MAP3K13: variants seen among roughly 807,000 people sequenced by gnomAD.
MAP3K13 encodes the protein mitogen-activated protein kinase kinase kinase 13.
Under a neutral mutation model 104.0 loss-of-function variants are expected in MAP3K13, and 52 were observed. The ratio of observed to expected loss-of-function variants is 0.50; its 90% CI spans 0.40 to 0.63. The LOEUF is 0.63. Among genes scored for constraint, MAP3K13 ranks in the 20% least tolerant of loss-of-function variants. The pLI is 0.00. For synonymous variants in MAP3K13, 394 were observed against 442.2 expected, an observed-to-expected ratio of 0.89 and a Z score of 1.37; for missense variants, 914 against 1,218.5, an observed-to-expected ratio of 0.75 and a Z score of 3.72.
intron 2 of MAP3K13, among the ~76,000 whole-genome samples, chr3:185,430,350 G>A (rs1474944176): frequency 6.6e-6 from 1 of 152,086 alleles, no homozygotes; most frequent in South Asian, 2.1e-4. Flanking sequence ...TACGTGCGCA[G>A]GTTTGTTATA....
At chr3:185,417,430 G>C in intron 1 of MAP3K13, 1 of 1,377,344 alleles carries the variant, frequency 7.3e-7, no homozygotes, top group Non-Finnish European at 9.9e-7. Context: ...TGTATAATCA[G>C]GTCTTTATTC....
intron 2 of MAP3K13, among the ~76,000 whole-genome samples, chr3:185,343,283 C>A (rs960613686): frequency 6.6e-6 from 1 of 152,112 alleles, no homozygotes; most frequent in African/African-American, 2.4e-5. Context: ...TGAGGGGCAC[C>A]TTAAGAGTTT....
rs571346776 is a variant in MAP3K13, at chr3:185,371,698, G to A, written c.-86+8330G>A. Among the ~76,000 whole-genome samples the A allele has an allele frequency of 3.3e-5, 5 of 152,272 alleles. 1 individual carries two copies. The highest frequency in any genetic ancestry group is 1.2e-4 in the African/African-American group (5 of 41,570). ...AAAGGAGAGCAGAGCCCAGGGAGAC[G>A]GTAGCTCAGCTGATGAGGCAGGTGG... On this transcript the variant is annotated intron_variant, in intron 1 of 13. Coordinates refer to ENST00000265026, the MANE Select transcript of MAP3K13 (RefSeq NM_004721.5).
rs1299140822 is a variant in MAP3K13, at chr3:185,455,115, A to T, written c.1278+3720A>T. On this transcript the variant is annotated intron_variant, in intron 7 of 13. Transcript: ENST00000265026. ...ATATGAGATATATGTGAGATATATGAGATATATGTGAGATATATATATGAT... is the reference window on the plus strand; with the variant it reads ...ATATGAGATATATGTGAGATATATGTGATATATGTGAGATATATATATGAT... 5.9e-5 allele frequency among the ~76,000 whole-genome samples: 7 copies of T among 117,768 alleles called. 1 individual carries two copies. Among genetic ancestry groups the T allele is most frequent in the African/African-American group, 1.6e-4 (5 of 31,186 alleles). The allele number at this position is 117,768 out of a possible 152,430, so 77.3% of individuals were successfully genotyped here.
intron 8 of MAP3K13, 52 bp downstream of exon 8, chr3:185,463,711 T>G (rs1490497574): frequency 9.8e-7 from 1 of 1,024,470 alleles, no homozygotes; most frequent in African/African-American, 1.6e-5. Flanking sequence ...TCTTCAGATG[T>G]TAACAGGCAC....
chr3:185,338,823 T>C (rs954734812), intron 2 of MAP3K13, among the ~76,000 whole-genome samples: 4 of 152,180 alleles, frequency 2.6e-5, no homozygotes, highest in Middle Eastern at 3.2e-3. Context: ...CTCTTAGAAC[T>C]ATACACCATA....
chr3:185,312,042 A>G (rs2108687102), intron 2 of MAP3K13, among the ~76,000 whole-genome samples: 1 of 152,340 alleles, frequency 6.6e-6, no homozygotes, highest in Admixed American at 6.5e-5. Flanking sequence ...GCATTGGGTA[A>G]ATAGCCACTG....
chr3:185,324,468 T>C (rs903215064), intron 2 of MAP3K13, among the ~76,000 whole-genome samples: 15 of 152,216 alleles, frequency 9.9e-5, no homozygotes, highest in African/African-American at 3.6e-4. Flanking sequence ...CATTTTCTGA[T>C]ATTTTAATTT....
intron 1 of MAP3K13, among the ~76,000 whole-genome samples, chr3:185,373,115 A>G (rs1463888379): frequency 1.3e-5 from 2 of 152,290 alleles, no homozygotes; most frequent in East Asian, 3.9e-4. Flanking sequence ...TCCATGTTCT[A>G]AGAAATCACT....
chr3:185,452,970 G>C (rs1464361520), intron 7 of MAP3K13, among the ~76,000 whole-genome samples: 1 of 152,170 alleles, frequency 6.6e-6, no homozygotes, highest in African/African-American at 2.4e-5. Flanking sequence ...CTTGACAAGA[G>C]AATCTGCCAC....
intron 1 of MAP3K13, among the ~76,000 whole-genome samples, chr3:185,376,826 G>A (rs1342765833): frequency 6.6e-6 from 1 of 152,076 alleles, no homozygotes. Context: ...TTTTCATGCA[G>A]AATTATGTCG....
At chr3:185,320,850 T>G (rs939596470) in intron 2 of MAP3K13, among the ~76,000 whole-genome samples, 2 of 152,114 alleles carry the variant, frequency 1.3e-5, no homozygotes, top group African/African-American at 4.8e-5. Flanking sequence ...AGATTAAAAC[T>G]GCATTTTCAT....
At chr3:185,470,993 A>G (rs1227437039) in intron 10 of MAP3K13, among the ~76,000 whole-genome samples, 1 of 152,168 alleles carries the variant, frequency 6.6e-6, no homozygotes, top group Non-Finnish European at 1.5e-5. Context: ...GATGCCCTTT[A>G]AAGGTATTTT....
chr3:185,395,268 G>A (rs1226650832), intron 1 of MAP3K13, among the ~76,000 whole-genome samples: 3 of 150,382 alleles, frequency 2.0e-5, no homozygotes, highest in South Asian at 2.1e-4. Context: ...GAATGACATC[G>A]CTGTATTATA....
intron 2 of MAP3K13, among the ~76,000 whole-genome samples, chr3:185,302,361 T>C (rs7650878): frequency 0.93 from 141,540 of 152,212 alleles, 65,868 homozygotes; most frequent in Middle Eastern, 0.95. Context: ...TGCAGTGAGC[T>C]GAGATCCCAC....
chr3:185,314,626 T>TG (rs1560044096), intron 2 of MAP3K13, among the ~76,000 whole-genome samples: 1 of 145,348 alleles, frequency 6.9e-6, no homozygotes, highest in African/African-American at 2.5e-5. Context: ...AAAAGAAAAG[T>TG]AAAAAAAAAA....
At chr3:185,296,528 T>C (rs1189927585) in intron 2 of MAP3K13, among the ~76,000 whole-genome samples, 3 of 152,226 alleles carry the variant, frequency 2.0e-5, no homozygotes, top group East Asian at 1.9e-4. Flanking sequence ...CTTCAGGTTA[T>C]GTGACCTCAG....
chr3:185,475,741 C>G (rs952675344), intron 11 of MAP3K13, among the ~76,000 whole-genome samples: 1 of 152,106 alleles, frequency 6.6e-6, no homozygotes, highest in East Asian at 1.9e-4. Flanking sequence ...ATCCCAGGTA[C>G]TCGGGAGGCT....
rs1214406794 is a variant in MAP3K13 at position 185,428,870 on chromosome 3, G to T, written c.289G>T (p.Val97Leu). Residue 97 changes from valine to leucine, a missense_variant, in exon 2 of 14, where the codon GTG (valine) becomes TTG (leucine). Val to Leu is a conservative substitution (Grantham distance 32, BLOSUM62 1). Around this residue, in one of 3 missense-constraint regions of MAP3K13, gnomAD observed 156 missense variants for 159.8 expected, o/e 0.98. Coordinates refer to ENST00000265026, the MANE Select transcript of MAP3K13 (RefSeq NM_004721.5). ...GGAACACGATGAATCAGAGACGGCGGTGTCTCAGGGGAACAGCAACACGGT... is the reference window on the plus strand; with the variant it reads ...GGAACACGATGAATCAGAGACGGCGTTGTCTCAGGGGAACAGCAACACGGT... ...LREHDESETAVSQGNSNTVDG... is the reference protein window; with the variant it reads ...LREHDESETALSQGNSNTVDG... The T allele has an allele frequency of 1.9e-6, 3 of 1,614,086 alleles. No individual in the cohort carries two copies. The highest frequency in any genetic ancestry group is 3.3e-5 in the Admixed American group (2 of 59,994).
Sources: gnomAD v4.1 joint callset for allele counts (sites outside exome capture counted in the v4.1 genomes callset) on GRCh38, gnomAD v4.1.1 for gene constraint, gnomAD v4.1.1 regional missense constraint, MANE v1.5 for transcripts, NCBI Gene and HGNC (gene_info 2026-07-23, HGNC 2026-07-21) for gene names.